Variants in CLEC16A observed in about 807,000 individuals in gnomAD.
CLEC16A encodes the protein C-type lectin domain containing 16A.
In CLEC16A, 51 loss-of-function variants were observed where a neutral mutation model predicts 109.5. The ratio of observed to expected loss-of-function variants is 0.47; its 90% CI spans 0.37 to 0.59. The LOEUF (loss-of-function observed/expected upper bound fraction) is 0.59. Ranked by LOEUF, CLEC16A falls within the 20% of genes least tolerant of loss-of-function variation. CLEC16A has a pLI of 0.00. For synonymous variants in CLEC16A, 673 were observed against 564.2 expected (o/e 1.19, Z -2.73); for missense variants, 1,339 against 1,394.0 (o/e 0.96, Z 0.63).
chr16:11,126,270 C>T, intron 22 of CLEC16A, 124 bp downstream of exon 22: 2 of 1,553,010 alleles, frequency 1.3e-6, no homozygotes, highest in Non-Finnish European at 1.7e-6. Flanking sequence ...CTGGCAGCAC[C>T]AGCTTCTTAG....
chr16:11,100,363 T>C (rs1028207523), intron 19 of CLEC16A, among the ~76,000 whole-genome samples: 3 of 152,212 alleles, frequency 2.0e-5, no homozygotes, highest in Admixed American at 6.5e-5. Flanking sequence ...CAAGAGCAGC[T>C]GAAGGCGGTG....
intron 9 of CLEC16A, among the ~76,000 whole-genome samples, chr16:10,982,595 G>A (rs550808378): frequency 7.9e-5 from 12 of 152,278 alleles, no homozygotes; most frequent in East Asian, 3.9e-4. Context: ...CACTTCAGCC[G>A]GATTTGGCTT....
intron 1 of CLEC16A, among the ~76,000 whole-genome samples, chr16:10,953,538 A>G (rs965527910): frequency 6.6e-6 from 1 of 152,298 alleles, no homozygotes; most frequent in East Asian, 1.9e-4. Flanking sequence ...AAAATTAAGA[A>G]CCTCTACTCA....
chr16:11,013,743 AG>A (rs940060759), intron 11 of CLEC16A, among the ~76,000 whole-genome samples: 88 of 152,086 alleles, frequency 5.8e-4, no homozygotes, highest in African/African-American at 1.7e-3. Context: ...TAGGCGATGG[AG>A]TGAGACTCTG....
intron 19 of CLEC16A, among the ~76,000 whole-genome samples, chr16:11,066,159 T>G (rs2048743961): frequency 6.6e-6 from 1 of 151,974 alleles, no homozygotes; most frequent in South Asian, 2.1e-4. Context: ...TTTCCACAGC[T>G]GTGAAATAGG....
chr16:10,979,400 C>G lies in CLEC16A; in HGVS notation c.957+18C>G. On this transcript the variant is annotated intron_variant, in intron 9 of 23. Coordinates refer to ENST00000409790, the MANE Select transcript of CLEC16A (RefSeq NM_015226.3). ...TGTCACAGGTATGCTTGATCATTCA[C>G]CAATGTCCCCACTACATTTGGGGTC... 5.6e-6 allele frequency: 9 copies of G among 1,610,896 alleles called. No individual in the cohort carries two copies. Among genetic ancestry groups the G allele is most frequent in the Non-Finnish European group, 7.6e-6 (9 of 1,178,338 alleles).
chr16:10,964,993 G>C (rs184631693), intron 3 of CLEC16A, among the ~76,000 whole-genome samples: 78 of 152,214 alleles, frequency 5.1e-4, no homozygotes, highest in Non-Finnish European at 7.8e-4. Flanking sequence ...TGAGAGCTCC[G>C]GAACTTACTC....
intron 9 of CLEC16A, 93 bp downstream of exon 9, chr16:10,979,475 T>C (rs2043201907): frequency 1.8e-6 from 2 of 1,083,530 alleles, no homozygotes; most frequent in Non-Finnish European, 1.4e-6. Context: ...TATCACCCCA[T>C]CTTCTCTGTC....
intron 13 of CLEC16A, among the ~76,000 whole-genome samples, chr16:11,026,332 C>T (rs1186337063): frequency 6.6e-6 from 1 of 152,210 alleles, no homozygotes; most frequent in African/African-American, 2.4e-5. Context: ...TCAATTTCTT[C>T]AGTAGGCATA....
intron 16 of CLEC16A, among the ~76,000 whole-genome samples, chr16:11,045,034 T>C (rs551505768): frequency 4.5e-4 from 68 of 151,596 alleles, no homozygotes; most frequent in African/African-American, 1.5e-3. Flanking sequence ...CTGGGTAGCT[T>C]ATAAACAATA....
rs967808752 is a variant in CLEC16A at position 10,961,155 on chromosome 16, T to C, written c.210-1300T>C. On this transcript the variant is annotated intron_variant, in intron 2 of 23. Transcript: ENST00000409790. This position sits in a 1 kb window ranked among gnomAD's most constrained non-coding sequence, Gnocchi z 4.3. ...CTGGTGGCCCTTAGGAGTCACTGAT[T>C]TATGCAGCTTGAACTGAAGGTAGAC... 1.3e-5 allele frequency among the ~76,000 whole-genome samples: 2 copies of C among 152,158 alleles called. No homozygotes were observed. The highest frequency in any genetic ancestry group is 2.9e-5 in the Non-Finnish European group (2 of 68,034).
intron 19 of CLEC16A, among the ~76,000 whole-genome samples, chr16:11,085,336 A>T (rs986549336): frequency 6.6e-6 from 1 of 152,226 alleles, no homozygotes; most frequent in South Asian, 2.1e-4. Flanking sequence ...AGATGGCGGG[A>T]TGGGTTAGTG....
At chr16:11,162,850 C>A (rs1012116864) in intron 22 of CLEC16A, among the ~76,000 whole-genome samples, 9 of 152,208 alleles carry the variant, frequency 5.9e-5, no homozygotes, top group South Asian at 2.1e-4. Context: ...GTATGTGCAT[C>A]CACCCACAGT....
chr16:11,172,766 G>A (rs2068578955), intron 23 of CLEC16A, among the ~76,000 whole-genome samples: 1 of 152,070 alleles, frequency 6.6e-6, no homozygotes, highest in Non-Finnish European at 1.5e-5. Context: ...GTAGGCGTCT[G>A]TAATCCCAGC....
chr16:11,077,816 T>C (rs1419527855), intron 19 of CLEC16A, among the ~76,000 whole-genome samples: 1 of 151,868 alleles, frequency 6.6e-6, no homozygotes, highest in Non-Finnish European at 1.5e-5. Flanking sequence ...CTTCTAAACT[T>C]TTAAGAAATG....
chr16:11,173,528 A>T (rs2068613301), intron 23 of CLEC16A, among the ~76,000 whole-genome samples: 1 of 152,160 alleles, frequency 6.6e-6, no homozygotes, highest in African/African-American at 2.4e-5. Flanking sequence ...GTCGCTGCCC[A>T]GTTAGGTGGC....
intron 10 of CLEC16A, among the ~76,000 whole-genome samples, chr16:10,998,117 A>AT (rs1238934665): frequency 6.6e-6 from 1 of 152,132 alleles, no homozygotes; most frequent in Non-Finnish European, 1.5e-5. Context: ...ATCCCTGGGG[A>AT]TTCACCTTTC....
intron 19 of CLEC16A, among the ~76,000 whole-genome samples, chr16:11,114,494 A>C (rs1455163422): frequency 6.6e-6 from 1 of 152,270 alleles, no homozygotes; most frequent in East Asian, 1.9e-4. Context: ...ACCACGACAG[A>C]GCCGTCTGCC....
At chr16:10,975,001 G>C (rs2042969119) in intron 7 of CLEC16A, among the ~76,000 whole-genome samples, 1 of 152,160 alleles carries the variant, frequency 6.6e-6, no homozygotes, top group African/African-American at 2.4e-5. Flanking sequence ...CTAGAAATAT[G>C]GGAGGAACTA....
Sources: gnomAD v4.1 joint callset for allele counts (sites outside exome capture counted in the v4.1 genomes callset) on GRCh38, gnomAD v4.1.1 for gene constraint, Gnocchi (gnomAD v3.1) non-coding constraint, MANE v1.5 for transcripts, NCBI Gene and HGNC (gene_info 2026-07-23, HGNC 2026-07-21) for gene names.